The following CAPN14 variants were observed in gnomAD, a reference collection of about 807,000 sequenced individuals.
CAPN14 encodes calpain-14.
In CAPN14, 94 loss-of-function variants were observed where a neutral mutation model predicts 101.3. That is an observed-to-expected ratio of 0.93 (90% CI 0.79 to 1.10). CAPN14 has a LOEUF of 1.10. CAPN14 is among the 50% of genes least tolerant of loss of function. The probability of loss-of-function intolerance (pLI) is 0.00; values close to 1 mark genes in which losing one functional copy is unlikely to be tolerated. For synonymous variants in CAPN14, 338 were observed against 317.9 expected (o/e 1.06, Z -0.67); for missense variants, 837 against 828.4 (o/e 1.01, Z -0.13).
chr2:31,214,790 C>A (rs1682560874), intron 1 of CAPN14, among the ~76,000 whole-genome samples: 1 of 152,202 alleles, frequency 6.6e-6, no homozygotes, highest in South Asian at 2.1e-4. Flanking sequence ...TTTCCCTGAG[C>A]AAAGGAACAT....
rs1342574400 is a variant in CAPN14 at position 31,173,517 on chromosome 2, G to T, written c.*1164C>A. The T allele has an allele frequency of 6.6e-6, 1 of 152,180 alleles. No homozygotes were observed. Among genetic ancestry groups the T allele is most frequent in the Non-Finnish European group, 1.5e-5 (1 of 68,032 alleles). The allele number at this position is 152,180 out of a possible 1,614,324, so 9.4% of individuals were successfully genotyped here. ...AGGTTGACTATCTCTTAACTAAAAT[G>T]CTTGGGACCAGAAGTGTTTCAGATT... On this transcript the variant is annotated 3_prime_UTR_variant, in exon 22 of 22. Coordinates refer to ENST00000403897, the MANE Select transcript of CAPN14 (RefSeq NM_001145122.2).
chr2:31,215,015 T>C (rs1682580500), intron 1 of CAPN14, among the ~76,000 whole-genome samples: 1 of 152,134 alleles, frequency 6.6e-6, no homozygotes. Flanking sequence ...ACCCTCTTTG[T>C]ACAGCCTCCT....
chr2:31,181,522 T>TTCTA (rs1274266006), intron 16 of CAPN14, among the ~76,000 whole-genome samples: 15 of 127,046 alleles, frequency 1.2e-4, no homozygotes, highest in African/African-American at 5.5e-4. Context: ...TTTTTTTATT[T>TTCTA]TTTTATTTTA....
intron 1 of CAPN14, among the ~76,000 whole-genome samples, chr2:31,210,595 C>G (rs2148698314): frequency 6.6e-6 from 1 of 152,180 alleles, no homozygotes; most frequent in Non-Finnish European, 1.5e-5. Flanking sequence ...ATTTTAAAAT[C>G]CAAATAACAT....
rs1455696553 is a variant in CAPN14, at chr2:31,174,578, C to G, written c.*103G>C. 7.9e-6 allele frequency: 10 copies of G among 1,260,350 alleles called. No individual in the cohort carries two copies. In the Admixed American group the frequency reaches 1.6e-4, roughly 20 times the overall value. 78.1% of individuals were successfully genotyped at this position (1,260,350 alleles called of 1,614,324 possible). A position where few individuals can be genotyped will look rare whatever the true frequency, so the allele number is the denominator to read the frequency against. Reference sequence around the variant, plus strand: ...AGAAGGTGACGGCTAGTGAGGCTGTCCTGAAGATCAGTAAGTAGGGTGGGC... The same window carrying G: ...AGAAGGTGACGGCTAGTGAGGCTGTGCTGAAGATCAGTAAGTAGGGTGGGC... On this transcript the variant is annotated 3_prime_UTR_variant, in exon 22 of 22. Coordinates refer to ENST00000403897, the MANE Select transcript of CAPN14 (RefSeq NM_001145122.2).
Position 31,194,486 on chromosome 2 carries a change from G to T in CAPN14, c.876-3C>A. On this transcript the variant is annotated splice_region_variant and splice_polypyrimidine_tract_variant and intron_variant, in intron 8 of 21. Coordinates refer to ENST00000403897, the MANE Select transcript of CAPN14 (RefSeq NM_001145122.2). ...TCAGCAGCTCCCATTTACTTGAACT[G>T]AAAATAGAAAAGGGAATGAAAAGCT... 6.5e-7 allele frequency: 1 copy of T among 1,548,758 alleles called. No individual in the cohort carries two copies. The highest frequency in any genetic ancestry group is 1.2e-5 in the South Asian group (1 of 83,996).
chr2:31,214,446 T>C (rs555925418), intron 1 of CAPN14, among the ~76,000 whole-genome samples: 3 of 152,300 alleles, frequency 2.0e-5, no homozygotes, highest in South Asian at 2.1e-4. Context: ...CTGGGTGGTA[T>C]GTGGGATCCA....
At chr2:31,222,338 C>A (rs1301271232), upstream of CAPN14, among the ~76,000 whole-genome samples, 2 of 152,142 alleles carry the variant, frequency 1.3e-5, no homozygotes, top group Non-Finnish European at 2.9e-5. Flanking sequence ...GCCTCCCGAA[C>A]ACATAGCAAC....
intron 1 of CAPN14, among the ~76,000 whole-genome samples, chr2:31,232,950 C>T (rs756423136): frequency 3.3e-5 from 5 of 152,146 alleles, no homozygotes. Flanking sequence ...TATCACTACA[C>T]TGTTTAGAAT....
rs146623140 is a variant in CAPN14 at position 31,213,291 on chromosome 2, C to T, written c.-53+4165G>A. Among the ~76,000 whole-genome samples the T allele has an allele frequency of 4.7e-3, 711 of 152,282 alleles. 8 individuals carry two copies. The highest frequency in any genetic ancestry group is 0.016 in the African/African-American group (679 of 41,562). On this transcript the variant is annotated intron_variant, in intron 1 of 21. Coordinates refer to ENST00000403897, the MANE Select transcript of CAPN14 (RefSeq NM_001145122.2). ...ACTCTCAGAACTCAAAAGAGATAAT[C>T]GTGTGAAAAGACTTGACAAAAGTCT...
Position 31,205,455 on chromosome 2 carries a change from G to C in CAPN14, c.-8C>G, listed in dbSNP as rs1468869526. 1 of 1,549,736 alleles carries C rather than the reference G, an allele frequency of 6.5e-7. No homozygotes were observed. The highest frequency in any genetic ancestry group is 8.7e-7 in the Non-Finnish European group (1 of 1,145,402). On this transcript the variant is annotated 5_prime_UTR_variant, in exon 2 of 22. Coordinates refer to ENST00000403897, the MANE Select transcript of CAPN14 (RefSeq NM_001145122.2). ...AGGTGGCCACAGAGACATGGCAGGT[G>C]GTGGGTACAGTCCAGTGAGTCTTCC...
upstream of CAPN14, among the ~76,000 whole-genome samples, chr2:31,219,082 G>A (rs1682779911): frequency 6.6e-6 from 1 of 151,866 alleles, no homozygotes; most frequent in Non-Finnish European, 1.5e-5. Flanking sequence ...GGGGGCTTCC[G>A]CTCATCCCTT....
intron 1 of CAPN14, among the ~76,000 whole-genome samples, chr2:31,211,970 G>A (rs1682421871): frequency 6.6e-6 from 1 of 152,134 alleles, no homozygotes; most frequent in Admixed American, 6.6e-5. Flanking sequence ...TATTGACTGT[G>A]GTGGTTGCAT....
Position 31,200,517 on chromosome 2 carries a change from G to A in CAPN14, c.660C>T (p.Asn220=). 2 of 1,551,550 alleles carry A rather than the reference G, an allele frequency of 1.3e-6. No homozygotes were observed. The highest frequency in any genetic ancestry group is 1.7e-6 in the Non-Finnish European group (2 of 1,147,000). ...MTINLAEAHG[N]LWDILIEATY... is the part of the protein sequence containing the mutation. ...TGGCTTCGATGAGGATGTCCCAGAG[G>A]TTGCCATGGGCTTCTGCCAGGTTGA... Residue 220 remains asparagine, a synonymous_variant, in exon 6 of 22, where the codon AAC becomes AAT. Coordinates refer to ENST00000403897, the MANE Select transcript of CAPN14 (RefSeq NM_001145122.2).
At chr2:31,212,827 A>G (rs190145743) in intron 1 of CAPN14, among the ~76,000 whole-genome samples, 5 of 152,332 alleles carry the variant, frequency 3.3e-5, no homozygotes, top group South Asian at 4.1e-4. Flanking sequence ...AGCAAAAGAA[A>G]TAAGTACCAT....
At chr2:31,210,411 G>A (rs529153674) in intron 1 of CAPN14, among the ~76,000 whole-genome samples, 115 of 152,142 alleles carry the variant, frequency 7.6e-4, no homozygotes, top group African/African-American at 2.6e-3. Context: ...TTGCGCCACT[G>A]CACTCCAGCC....
chr2:31,179,206 T>C (rs1680469388), intron 17 of CAPN14, among the ~76,000 whole-genome samples: 2 of 151,670 alleles, frequency 1.3e-5, no homozygotes, highest in South Asian at 2.1e-4. Flanking sequence ...TTTCTCCTAA[T>C]GTTATCTTTC....
chr2:31,202,822 T>C (rs1205525718), intron 3 of CAPN14, among the ~76,000 whole-genome samples: 1 of 152,170 alleles, frequency 6.6e-6, no homozygotes, highest in African/African-American at 2.4e-5. Context: ...ACCTGTAAAC[T>C]GGTAATGAGG....
intron 1 of CAPN14, among the ~76,000 whole-genome samples, chr2:31,229,932 T>C (rs943277233): frequency 2.0e-5 from 3 of 152,246 alleles, no homozygotes; most frequent in Non-Finnish European, 4.4e-5. Flanking sequence ...TATGATTCTA[T>C]GCATAATAGC....
Sources: gnomAD v4.1 joint callset for allele counts (sites outside exome capture counted in the v4.1 genomes callset) on GRCh38, gnomAD v4.1.1 for gene constraint, MANE v1.5 for transcripts, NCBI Gene and HGNC (gene_info 2026-07-23, HGNC 2026-07-21) for gene names.